EPHA6: variants seen among roughly 807,000 people sequenced by gnomAD.
EPHA6 encodes EPH receptor A6, also known as ephrin type-A receptor 6.
Under a neutral mutation model 112.0 loss-of-function variants are expected in EPHA6, and 50 were observed. The observed-to-expected ratio is 0.45, with a 90% confidence interval of 0.36 to 0.56. EPHA6 has a LOEUF of 0.56. Among genes scored for constraint, EPHA6 ranks in the 20% least tolerant of loss-of-function variants. The probability of loss-of-function intolerance (pLI) is 0.00; values close to 1 mark genes in which losing one functional copy is unlikely to be tolerated. For synonymous variants in EPHA6, 529 were observed against 490.7 expected (o/e 1.08, Z -1.03); for missense variants, 1,280 against 1,417.4 (o/e 0.90, Z 1.56).
At chr3:97,046,181 A>G (rs1001373421) in intron 3 of EPHA6, among the ~76,000 whole-genome samples, 3 of 152,196 alleles carry the variant, frequency 2.0e-5, no homozygotes, top group Non-Finnish European at 4.4e-5. Flanking sequence ...TCATAGTCCT[A>G]AAGAAAACAG....
intron 4 of EPHA6, among the ~76,000 whole-genome samples, chr3:97,242,418 G>T (rs1029497946): frequency 6.6e-6 from 1 of 151,728 alleles, no homozygotes; most frequent in Non-Finnish European, 1.5e-5. Context: ...ACCTCTATGA[G>T]GCTTTCTCAG....
At chr3:97,474,126 CT>C (rs2091304219) in intron 7 of EPHA6, among the ~76,000 whole-genome samples, 1 of 151,778 alleles carries the variant, frequency 6.6e-6, no homozygotes, top group African/African-American at 2.4e-5. Context: ...AATGCTATTA[CT>C]CTGGATATGA....
At position 96,814,812 on chromosome 3, in the gene EPHA6, A is replaced by C. The variant is rs1395197648; in HGVS notation, c.189A>C (p.Glu63Asp). The C allele has an allele frequency of 3.8e-6, 6 of 1,597,626 alleles. No individual in the cohort carries two copies. The highest frequency in any genetic ancestry group is 5.1e-6 in the Non-Finnish European group (6 of 1,171,222). Residue 63 changes from glutamate to aspartate, a missense_variant, in exon 1 of 18, where the codon GAA becomes GAC. Around this residue, in one of 4 missense-constraint regions of EPHA6, gnomAD observed 220 missense variants for 171.5 expected, o/e 1.28. Transcript: ENST00000389672. ...RVEEEEEEEE[E>D]DVDKDPHPTQ... ...AGGAGGAAGAGGAGGAGGAGGAAGA[A>C]GACGTGGACAAGGACCCCCATCCTA...
intron 5 of EPHA6, among the ~76,000 whole-genome samples, chr3:97,308,476 A>G (rs1055273005): frequency 1.3e-5 from 2 of 151,720 alleles, no homozygotes; most frequent in Non-Finnish European, 3.0e-5. Context: ...ATTTGTAGCT[A>G]CTTCTAGCAC....
rs1440761920 is a variant in EPHA6 at position 97,758,722 on chromosome 3, C to T, written c.*10021C>T. 2.0e-5 allele frequency among the ~76,000 whole-genome samples: 3 copies of T among 151,874 alleles called. No homozygotes were observed. The highest frequency in any genetic ancestry group is 6.6e-5 in the Admixed American group (1 of 15,222). ...TTCCCCCAAGGACATGCCATTTAAA[C>T]TGATATCTGAAAAGCATGAAGGAAG... On this transcript the variant is annotated 3_prime_UTR_variant, in exon 18 of 18. Transcript: ENST00000389672.
At chr3:97,554,486 G>T (rs2093074327) in intron 11 of EPHA6, among the ~76,000 whole-genome samples, 1 of 151,920 alleles carries the variant, frequency 6.6e-6, no homozygotes, top group African/African-American at 2.4e-5. Context: ...TAGAATCCTG[G>T]CTTAAAATAA....
chr3:97,429,534 T>A (rs1290886356), intron 6 of EPHA6, among the ~76,000 whole-genome samples: 7 of 152,188 alleles, frequency 4.6e-5, no homozygotes, highest in Non-Finnish European at 1.0e-4. Flanking sequence ...ATTTCTTATC[T>A]GTTCTTAATC....
chr3:97,278,096 C>A (rs576411142), intron 5 of EPHA6, among the ~76,000 whole-genome samples: 6 of 152,306 alleles, frequency 3.9e-5, no homozygotes, highest in Non-Finnish European at 7.3e-5. Flanking sequence ...TTGTTTCTAA[C>A]TCTTGGCTAC....
chr3:96,919,183 G>A (rs2039634786), intron 2 of EPHA6, among the ~76,000 whole-genome samples: 1 of 151,822 alleles, frequency 6.6e-6, no homozygotes. Context: ...TCTTTGCTAT[G>A]TTGAATGATA....
At chr3:96,926,163 A>G (rs895005661) in intron 2 of EPHA6, among the ~76,000 whole-genome samples, 1 of 152,154 alleles carries the variant, frequency 6.6e-6, no homozygotes, top group African/African-American at 2.4e-5. Flanking sequence ...GGAAGCAAGC[A>G]TGTCTTACAT....
At chr3:96,893,723 C>T (rs938042663) in intron 2 of EPHA6, among the ~76,000 whole-genome samples, 1 of 152,182 alleles carries the variant, frequency 6.6e-6, no homozygotes, top group Admixed American at 6.5e-5. Context: ...GAAGACCAGA[C>T]ACAGAAGTCT....
intron 14 of EPHA6, among the ~76,000 whole-genome samples, chr3:97,664,535 C>G (rs2094192514): frequency 6.6e-6 from 1 of 152,112 alleles, no homozygotes; most frequent in Non-Finnish European, 1.5e-5. Context: ...CAGATTGTCC[C>G]TGTTTGCAGA....
At chr3:97,572,554 G>A (rs1437921954) in intron 11 of EPHA6, 2 of 152,048 alleles carry the variant, frequency 1.3e-5, no homozygotes, top group African/African-American at 4.8e-5. Context: ...GGTAATATGA[G>A]CCCTTGGTTT....
intron 5 of EPHA6, among the ~76,000 whole-genome samples, chr3:97,287,923 A>G (rs566115457): frequency 6.6e-6 from 1 of 152,168 alleles, no homozygotes; most frequent in South Asian, 2.1e-4. Flanking sequence ...TATCAGGGTA[A>G]TGAGTCAGGA....
intron 3 of EPHA6, among the ~76,000 whole-genome samples, chr3:97,190,154 T>C (rs940818421): frequency 3.9e-5 from 6 of 152,094 alleles, no homozygotes; most frequent in African/African-American, 1.4e-4. Flanking sequence ...TACTACACTT[T>C]GAAAGGAACA....
intron 2 of EPHA6, among the ~76,000 whole-genome samples, chr3:96,926,895 C>A (rs2040063303): frequency 6.6e-6 from 1 of 152,152 alleles, no homozygotes; most frequent in South Asian, 2.1e-4. Flanking sequence ...AGAACAGTGG[C>A]CCTATTGTCA....
intron 3 of EPHA6, among the ~76,000 whole-genome samples, chr3:97,113,336 G>A (rs925666040): frequency 1.3e-5 from 2 of 152,102 alleles, no homozygotes; most frequent in African/African-American, 4.8e-5. Flanking sequence ...TGAGCAGAGT[G>A]AGATGCAGAA....
intron 5 of EPHA6, among the ~76,000 whole-genome samples, chr3:97,330,408 C>A (rs183451800): frequency 1.3e-5 from 2 of 152,194 alleles, no homozygotes; most frequent in East Asian, 1.9e-4. Flanking sequence ...TTACCTTGGG[C>A]AATATGGCCA....
At chr3:97,576,893 T>C (rs1322136794) in intron 11 of EPHA6, among the ~76,000 whole-genome samples, 2 of 152,186 alleles carry the variant, frequency 1.3e-5, no homozygotes, top group African/African-American at 4.8e-5. Flanking sequence ...ACATTTGCCT[T>C]TGTGGAAATT....
Sources: allele counts gnomAD v4.1 joint callset (sites outside exome capture counted in the v4.1 genomes callset), GRCh38; gene constraint gnomAD v4.1.1; regional missense constraint gnomAD v4.1.1; transcripts MANE v1.5; gene names NCBI Gene and HGNC (gene_info 2026-07-23, HGNC 2026-07-21).